The following GMDS variants were observed in gnomAD, a reference collection of about 807,000 sequenced individuals.
The protein encoded by GMDS is GDP-mannose 4,6 dehydratase.
GMDS carries 20 observed loss-of-function variants against 49.9 expected under a neutral mutation model. The observed-to-expected ratio is 0.40, with a 90% CI of 0.28 to 0.58. The LOEUF (loss-of-function observed/expected upper bound fraction) is 0.58. GMDS is among the 20% of genes least tolerant of loss of function. The probability of loss-of-function intolerance (pLI) is 0.42; values close to 1 mark genes in which losing one functional copy is unlikely to be tolerated. For missense variants in GMDS, 362 were observed against 481.4 expected (o/e 0.75, Z 2.32); for synonymous variants, 177 against 178.6 (o/e 0.99, Z 0.07).
At chr6:2,063,628 C>T (rs903017938) in intron 4 of GMDS, among the ~76,000 whole-genome samples, 1 of 152,240 alleles carries the variant, frequency 6.6e-6, no homozygotes, top group Admixed American at 6.5e-5. Context: ...GGCTAGCTCT[C>T]ACAGGCATGT....
chr6:2,109,575 G>A (rs985173366), intron 4 of GMDS, among the ~76,000 whole-genome samples: 21 of 152,210 alleles, frequency 1.4e-4, no homozygotes, highest in Admixed American at 1.2e-3. Flanking sequence ...AGGATTTTAA[G>A]CCACAGAAAA....
At chr6:2,146,581 T>C (rs1776570499) in intron 1 of GMDS, among the ~76,000 whole-genome samples, 1 of 152,200 alleles carries the variant, frequency 6.6e-6, no homozygotes. Flanking sequence ...TATGATACTA[T>C]CAGAAAGGGC....
intron 7 of GMDS, among the ~76,000 whole-genome samples, chr6:1,782,268 C>T (rs572482224): frequency 6.6e-6 from 1 of 152,300 alleles, no homozygotes; most frequent in Admixed American, 6.5e-5. Flanking sequence ...AAACACCAAA[C>T]CAATAAGCCT....
intron 9 of GMDS, among the ~76,000 whole-genome samples, chr6:1,700,415 C>T (rs1765501491): frequency 1.3e-5 from 2 of 152,064 alleles, no homozygotes; most frequent in Admixed American, 1.3e-4. Flanking sequence ...TCCTCAGTAC[C>T]ACTGAAAGCA....
intron 7 of GMDS, among the ~76,000 whole-genome samples, chr6:1,825,119 C>T (rs749699255): frequency 8.5e-5 from 13 of 152,124 alleles, no homozygotes; most frequent in East Asian, 1.9e-4. Flanking sequence ...AATCGCATTA[C>T]GAAAGTCAGT....
chr6:1,684,490 G>A (rs1341090205), intron 9 of GMDS, among the ~76,000 whole-genome samples: 3 of 152,170 alleles, frequency 2.0e-5, no homozygotes, highest in Non-Finnish European at 4.4e-5. Flanking sequence ...GCATCCACAC[G>A]AACGAAGACT....
chr6:2,000,555 G>A (rs559818333), intron 4 of GMDS, among the ~76,000 whole-genome samples: 3 of 152,162 alleles, frequency 2.0e-5, no homozygotes, highest in Non-Finnish European at 2.9e-5. Flanking sequence ...TACCTCTTTC[G>A]ATTAGCATAA....
At chr6:2,201,543 C>T (rs1234941527) in intron 1 of GMDS, among the ~76,000 whole-genome samples, 8 of 105,732 alleles carry the variant, frequency 7.6e-5, no homozygotes, top group Non-Finnish European at 1.2e-4. Flanking sequence ...CATGGGCATC[C>T]GAGATGAAAC....
At chr6:2,008,215 C>G (rs1375597510) in intron 4 of GMDS, among the ~76,000 whole-genome samples, 1 of 152,154 alleles carries the variant, frequency 6.6e-6, no homozygotes, top group African/African-American at 2.4e-5. Flanking sequence ...CTTCCCAAGA[C>G]AGCAACATTT....
At chr6:1,652,379 AAATATATATATAT>A (rs1763680657) in intron 9 of GMDS, among the ~76,000 whole-genome samples, 1 of 9,892 alleles carries the variant, frequency 1.0e-4, no homozygotes, top group African/African-American at 2.3e-4. Context: ...CTAAAAAAAA[AAATATATATATAT>A]TATATATATA....
rs189634265 is a variant in GMDS at position 2,177,286 on chromosome 6, C to T, written c.103-52555G>A. ...AATCTGGAGAGATCAGGAAAGTAGA[C>T]TGGGTTTGGGGTAGTAACTATGAAG... On this transcript the variant is annotated intron_variant, in intron 1 of 10. Coordinates refer to ENST00000380815, the MANE Select transcript of GMDS (RefSeq NM_001500.4). Among the ~76,000 whole-genome samples, 6 of 152,212 alleles carry T rather than the reference C, an allele frequency of 3.9e-5. No individual in the cohort carries two copies. In the East Asian group the frequency reaches 9.6e-4, roughly 24 times the overall value.
At chr6:2,142,782 G>A (rs1776367116) in intron 1 of GMDS, among the ~76,000 whole-genome samples, 2 of 152,140 alleles carry the variant, frequency 1.3e-5, no homozygotes, top group East Asian at 3.9e-4. Flanking sequence ...CAAGTTTGGA[G>A]GAAAGAGTTT....
intron 7 of GMDS, among the ~76,000 whole-genome samples, chr6:1,781,124 T>C (rs1235175543): frequency 6.6e-6 from 1 of 151,310 alleles, no homozygotes; most frequent in Non-Finnish European, 1.5e-5. Flanking sequence ...CATGACAGCT[T>C]GCTGTTTAGA....
intron 1 of GMDS, among the ~76,000 whole-genome samples, chr6:2,142,360 A>C (rs1413303355): frequency 6.6e-6 from 1 of 152,152 alleles, no homozygotes; most frequent in Non-Finnish European, 1.5e-5. Context: ...GTAATTAGTT[A>C]AGATTAGGTC....
chr6:2,153,176 T>C (rs1169606078), intron 1 of GMDS, among the ~76,000 whole-genome samples: 1 of 152,238 alleles, frequency 6.6e-6, no homozygotes, highest in East Asian at 1.9e-4. Flanking sequence ...CCCTACTTCA[T>C]TCTTTATGCC....
chr6:2,113,090 G>T (rs1221692021), intron 4 of GMDS, among the ~76,000 whole-genome samples: 7 of 152,050 alleles, frequency 4.6e-5, no homozygotes, highest in African/African-American at 1.2e-4. Flanking sequence ...TTCAAGTAAC[G>T]CCAGTAAAAT....
chr6:1,893,066 G>A (rs1168194070), intron 7 of GMDS, among the ~76,000 whole-genome samples: 1 of 152,194 alleles, frequency 6.6e-6, no homozygotes, highest in Non-Finnish European at 1.5e-5. Context: ...GCTTTCGGCT[G>A]CAGCTTCCCC....
chr6:2,098,505 A>C (rs1486368670), intron 4 of GMDS, among the ~76,000 whole-genome samples: 1 of 152,268 alleles, frequency 6.6e-6, no homozygotes, highest in African/African-American at 2.4e-5. Flanking sequence ...TTTATTTAGA[A>C]ACAAAATCTT....
At chr6:1,746,677 A>G (rs896841309) in intron 7 of GMDS, among the ~76,000 whole-genome samples, 1 of 145,462 alleles carries the variant, frequency 6.9e-6, no homozygotes, top group African/African-American at 2.6e-5. Context: ...AGAAGTAAAA[A>G]TAAAACTTTA....
Sources: allele counts gnomAD v4.1 joint callset (sites outside exome capture counted in the v4.1 genomes callset), GRCh38; gene constraint gnomAD v4.1.1; transcripts MANE v1.5; gene names NCBI Gene and HGNC (gene_info 2026-07-23, HGNC 2026-07-21).